The following TPD52 variants were observed in gnomAD, a reference collection of about 807,000 sequenced individuals.
The protein encoded by TPD52 is prostate and colon associated protein.
Under a neutral mutation model 31.3 loss-of-function variants are expected in TPD52, and 17 were observed. That is an observed-to-expected ratio of 0.54 (90% CI 0.37 to 0.82). The LOEUF is 0.82. TPD52 is among the 40% of genes least tolerant of loss of function. The pLI is 0.00. For synonymous variants in TPD52, 83 were observed against 89.6 expected (o/e 0.93, Z 0.42); for missense variants, 212 against 240.1 (o/e 0.88, Z 0.77).
At chr8:80,129,727 G>A (rs2005236) in intron 1 of TPD52, among the ~76,000 whole-genome samples, 61,992 of 138,208 alleles carry the variant, frequency 0.45, 13,986 homozygotes, top group East Asian at 0.78. Flanking sequence ...TTTTTGAGAC[G>A]GAGTCTCCAT....
intron 1 of TPD52, chr8:80,067,221 T>C (rs938003019): frequency 2.0e-5 from 3 of 152,208 alleles, no homozygotes; most frequent in Non-Finnish European, 2.9e-5. Context: ...GGTTGTCCAG[T>C]TGGCTTCAAG....
intron 2 of TPD52, among the ~76,000 whole-genome samples, chr8:80,060,831 T>C (rs1023954933): frequency 2.7e-5 from 4 of 150,828 alleles, no homozygotes; most frequent in Non-Finnish European, 4.4e-5. Context: ...CGCAAGTGCA[T>C]TTGTGAAAAA....
intron 1 of TPD52, among the ~76,000 whole-genome samples, chr8:80,108,505 T>C (rs1286247244): frequency 6.6e-6 from 1 of 152,202 alleles, no homozygotes; most frequent in African/African-American, 2.4e-5. Flanking sequence ...AGGCAGTTAT[T>C]GTTTTGATTT....
rs375591683 is a variant in TPD52, at chr8:80,063,695, G to C, written c.135+783C>G. 3.4e-3 allele frequency among the ~76,000 whole-genome samples: 510 copies of C among 151,968 alleles called. 4 individuals are homozygous for C. Among genetic ancestry groups the C allele is most frequent in the African/African-American group, 0.012 (478 of 41,438 alleles). Reference sequence around the variant, plus strand: ...GCCTGTAATCCCAGCTACTCAGGAGGCTGAGGCAGGAGAATCACTTGAACC... The same window carrying C: ...GCCTGTAATCCCAGCTACTCAGGAGCCTGAGGCAGGAGAATCACTTGAACC... On this transcript the variant is annotated intron_variant, in intron 2 of 7. Transcript: ENST00000518937.
intron 1 of TPD52, chr8:80,123,024 T>G (rs1808366316): frequency 6.6e-6 from 1 of 152,350 alleles, no homozygotes; most frequent in African/African-American, 2.4e-5. Flanking sequence ...AAGCCGGAAC[T>G]GCAAGCATGC....
At chr8:80,079,043 C>T (rs1361822469) in intron 1 of TPD52, among the ~76,000 whole-genome samples, 1 of 152,196 alleles carries the variant, frequency 6.6e-6, no homozygotes, top group Non-Finnish European at 1.5e-5. Flanking sequence ...CCCAGCTTCT[C>T]AAAGGTTCCC....
At chr8:80,086,699 C>A in intron 1 of TPD52, among the ~76,000 whole-genome samples, 2 of 151,612 alleles carry the variant, frequency 1.3e-5, no homozygotes, top group South Asian at 4.2e-4. Flanking sequence ...TATGGTGAAT[C>A]CCCGTCTCTA....
At chr8:80,143,596 G>A (rs749025377) in intron 1 of TPD52, among the ~76,000 whole-genome samples, 2 of 152,114 alleles carry the variant, frequency 1.3e-5, no homozygotes, top group South Asian at 2.1e-4. Context: ...CCTTCCTTAC[G>A]TGCAGGAGCC....
At chr8:80,136,546 A>G (rs79594542) in intron 1 of TPD52, among the ~76,000 whole-genome samples, 22,658 of 146,080 alleles carry the variant, frequency 0.16, 3,132 homozygotes, top group African/African-American at 0.35. Context: ...AAAAAAAAAA[A>G]AAAAAGAAAA....
At chr8:80,139,177 T>C (rs965177477) in intron 1 of TPD52, among the ~76,000 whole-genome samples, 2 of 152,212 alleles carry the variant, frequency 1.3e-5, no homozygotes, top group African/African-American at 4.8e-5. Context: ...CCTAAGACAC[T>C]GGCAGGGAGG....
chr8:80,159,853 T>C (rs1811229305), intron 1 of TPD52, among the ~76,000 whole-genome samples: 1 of 152,202 alleles, frequency 6.6e-6, no homozygotes, highest in Non-Finnish European at 1.5e-5. Context: ...AAGAAAACAT[T>C]TCTTTAAAAA....
At chr8:80,098,857 C>A (rs1024520197) in intron 1 of TPD52, among the ~76,000 whole-genome samples, 1 of 152,164 alleles carries the variant, frequency 6.6e-6, no homozygotes, top group Admixed American at 6.5e-5. Flanking sequence ...TCAATTGCCA[C>A]GGCCAGCTCA....
chr8:80,081,259 C>A (rs769473284), intron 1 of TPD52, among the ~76,000 whole-genome samples: 1 of 150,536 alleles, frequency 6.6e-6, no homozygotes, highest in Non-Finnish European at 1.5e-5. Flanking sequence ...ATTCCCACAC[C>A]TTCTTTGTTT....
chr8:80,101,261 A>G (rs1806710871), intron 1 of TPD52, among the ~76,000 whole-genome samples: 1 of 152,168 alleles, frequency 6.6e-6, no homozygotes, highest in Non-Finnish European at 1.5e-5. Flanking sequence ...CAGCCTGACC[A>G]ACATGGTGAA....
At chr8:80,076,855 A>T (rs1249093400) in intron 1 of TPD52, among the ~76,000 whole-genome samples, 1 of 152,162 alleles carries the variant, frequency 6.6e-6, no homozygotes, top group Non-Finnish European at 1.5e-5. Context: ...TACTTTTGGT[A>T]GAGATGGGGT....
chr8:80,057,224 C>T (rs1444694826), intron 2 of TPD52, among the ~76,000 whole-genome samples: 1 of 152,104 alleles, frequency 6.6e-6, no homozygotes, highest in Non-Finnish European at 1.5e-5. Context: ...AAGCTGTACA[C>T]AATTGCTTAC....
chr8:80,106,397 A>G (rs4740106), intron 1 of TPD52, among the ~76,000 whole-genome samples: 98,424 of 151,942 alleles, frequency 0.65, 33,464 homozygotes, highest in African/African-American at 0.87. Context: ...TTGCTCTGTC[A>G]CCAGGCTGGA....
chr8:80,120,553 A>T (rs986113047), intron 1 of TPD52, among the ~76,000 whole-genome samples: 6 of 152,230 alleles, frequency 3.9e-5, no homozygotes, highest in East Asian at 1.9e-4. Flanking sequence ...AAAGCTATCG[A>T]TGGGACTAAA....
chr8:80,072,758 T>C (rs969049592), intron 1 of TPD52, among the ~76,000 whole-genome samples: 3 of 149,842 alleles, frequency 2.0e-5, no homozygotes, highest in Non-Finnish European at 4.4e-5. Context: ...TATATACATA[T>C]ATACACACAC....
Sources: gnomAD v4.1 joint callset for allele counts (sites outside exome capture counted in the v4.1 genomes callset) on GRCh38, gnomAD v4.1.1 for gene constraint, MANE v1.5 for transcripts, NCBI Gene and HGNC (gene_info 2026-07-23, HGNC 2026-07-21) for gene names.